GUCY1A2: variants seen among roughly 807,000 people sequenced by gnomAD.
The protein encoded by GUCY1A2 is guanylate cyclase 1 soluble subunit alpha 2.
In GUCY1A2, 27 loss-of-function variants were observed where a neutral mutation model predicts 63.5. The observed-to-expected ratio is 0.43, with a 90% CI of 0.31 to 0.59. The LOEUF is 0.59. Among genes scored for constraint, GUCY1A2 ranks in the 20% least tolerant of loss-of-function variants. GUCY1A2 has a pLI of 0.11. For synonymous variants in GUCY1A2, 364 were observed against 343.5 expected (o/e 1.06, Z -0.66); for missense variants, 768 against 913.3 (o/e 0.84, Z 2.05).
At chr11:106,967,863 T>C (rs1861146241) in intron 3 of GUCY1A2, among the ~76,000 whole-genome samples, 1 of 152,144 alleles carries the variant, frequency 6.6e-6, no homozygotes, top group Admixed American at 6.5e-5. Context: ...AGCATGTATC[T>C]GGAAGACAAA....
At chr11:106,760,256 A>G (rs1257181809) in intron 6 of GUCY1A2, among the ~76,000 whole-genome samples, 1 of 152,198 alleles carries the variant, frequency 6.6e-6, no homozygotes, top group Non-Finnish European at 1.5e-5. Flanking sequence ...CTAAGAATGG[A>G]TAAAGGCTTA....
chr11:106,711,047 A>C (rs1232946606), intron 6 of GUCY1A2, among the ~76,000 whole-genome samples: 1 of 152,158 alleles, frequency 6.6e-6, no homozygotes, highest in African/African-American at 2.4e-5. Context: ...AATTGACTCT[A>C]AAATTTATTT....
At chr11:106,920,309 A>G (rs1272643401) in intron 4 of GUCY1A2, among the ~76,000 whole-genome samples, 1 of 152,142 alleles carries the variant, frequency 6.6e-6, no homozygotes, top group Non-Finnish European at 1.5e-5. Context: ...CTGTTACATT[A>G]GGCAGTGGAT....
At chr11:106,949,143 GTCTC>G (rs1043387184) in intron 3 of GUCY1A2, among the ~76,000 whole-genome samples, 2 of 152,058 alleles carry the variant, frequency 1.3e-5, no homozygotes, top group African/African-American at 4.8e-5. Context: ...CATTCTGCTA[GTCTC>G]TCTATCCTAA....
chr11:106,925,204 AAG>A (rs371916963), intron 4 of GUCY1A2, among the ~76,000 whole-genome samples: 6 of 151,880 alleles, frequency 4.0e-5, no homozygotes, highest in East Asian at 1.9e-4. Flanking sequence ...AGAGAGGAGA[AAG>A]AGAGAGAGAG....
chr11:106,844,774 A>C (rs954817932), intron 4 of GUCY1A2, among the ~76,000 whole-genome samples: 1 of 151,710 alleles, frequency 6.6e-6, no homozygotes, highest in Non-Finnish European at 1.5e-5. Context: ...CCTGTCTAAC[A>C]GAATCAGAGT....
chr11:106,831,235 G>A (rs1859046397), intron 4 of GUCY1A2, among the ~76,000 whole-genome samples: 1 of 152,190 alleles, frequency 6.6e-6, no homozygotes, highest in Admixed American at 6.5e-5. Flanking sequence ...GGTTGACTTT[G>A]CACTAGCAAA....
At chr11:106,914,697 T>C (rs952693744) in intron 4 of GUCY1A2, among the ~76,000 whole-genome samples, 1 of 150,400 alleles carries the variant, frequency 6.6e-6, no homozygotes, top group Non-Finnish European at 1.5e-5. Context: ...CAAGAGAAAA[T>C]AAATAAAGAT....
intron 4 of GUCY1A2, among the ~76,000 whole-genome samples, chr11:106,838,823 G>C (rs1859152904): frequency 1.3e-5 from 2 of 151,792 alleles, no homozygotes; most frequent in Non-Finnish European, 2.9e-5. Flanking sequence ...TTTTTGATGG[G>C]GTTGTTTTTT....
At chr11:106,702,487 TTA>T (rs1048602123) in intron 7 of GUCY1A2, among the ~76,000 whole-genome samples, 22 of 152,150 alleles carry the variant, frequency 1.4e-4, no homozygotes, top group African/African-American at 5.3e-4. Flanking sequence ...GCAGTCATCT[TTA>T]TAAAAACTGC....
chr11:106,987,718 C>T (rs890441079), intron 1 of GUCY1A2, among the ~76,000 whole-genome samples: 3 of 151,816 alleles, frequency 2.0e-5, no homozygotes, highest in Non-Finnish European at 2.9e-5. Flanking sequence ...TCCATGTCCA[C>T]CTCTTCATAA....
At chr11:106,751,638 A>C (rs1863883680) in intron 6 of GUCY1A2, among the ~76,000 whole-genome samples, 1 of 149,468 alleles carries the variant, frequency 6.7e-6, no homozygotes. Context: ...ATTTTCTCAA[A>C]ATAAAATAAA....
chr11:106,701,629 G>A (rs537822936), intron 7 of GUCY1A2, among the ~76,000 whole-genome samples: 4 of 129,508 alleles, frequency 3.1e-5, no homozygotes, highest in African/African-American at 1.4e-4. Flanking sequence ...GCTAGGAAGG[G>A]TAAGGGGGAG....
At chr11:106,973,318 G>C (rs1229590209) in intron 3 of GUCY1A2, among the ~76,000 whole-genome samples, 2 of 152,044 alleles carry the variant, frequency 1.3e-5, no homozygotes, top group Admixed American at 1.3e-4. Context: ...AACTGTCACA[G>C]TGTTTACTAT....
At chr11:106,687,884 G>A (rs146676251) in intron 7 of GUCY1A2, 128 bp from the exon 8 acceptor site, 2 of 634,608 alleles carry the variant, frequency 3.2e-6, no homozygotes, top group African/African-American at 1.8e-5. Context: ...TCTTTGTATA[G>A]ATGTGGCCTT....
At chr11:106,764,449 CT>C (rs1346211994) in intron 6 of GUCY1A2, among the ~76,000 whole-genome samples, 1 of 152,006 alleles carries the variant, frequency 6.6e-6, no homozygotes, top group African/African-American at 2.4e-5. Flanking sequence ...ATATTATTTA[CT>C]CTTGACAAAA....
At chr11:106,822,878 AG>A (rs1858921282) in intron 4 of GUCY1A2, among the ~76,000 whole-genome samples, 3 of 152,312 alleles carry the variant, frequency 2.0e-5, no homozygotes, top group African/African-American at 7.2e-5. Context: ...TTAAAATAAT[AG>A]TTGAAGGCAT....
chr11:106,978,846 T>C (rs905329092), intron 2 of GUCY1A2, 106 bp from the exon 3 acceptor site: 1 of 659,776 alleles, frequency 1.5e-6, no homozygotes, highest in Non-Finnish European at 2.5e-6. Flanking sequence ...TTCATCATAG[T>C]CACATTTTAA....
At chr11:106,933,744 C>T (rs886503737) in intron 4 of GUCY1A2, among the ~76,000 whole-genome samples, 1 of 152,110 alleles carries the variant, frequency 6.6e-6, no homozygotes, top group Admixed American at 6.5e-5. Context: ...ACATATATAT[C>T]ATGGAATATT....
Sources: gnomAD v4.1 joint callset for allele counts (sites outside exome capture counted in the v4.1 genomes callset) on GRCh38, gnomAD v4.1.1 for gene constraint, MANE v1.5 for transcripts, NCBI Gene and HGNC (gene_info 2026-07-23, HGNC 2026-07-21) for gene names.